TRHDE: variants seen among roughly 807,000 people sequenced by gnomAD.
The protein encoded by TRHDE is thyrotropin-releasing hormone-degrading ectoenzyme.
In TRHDE, 72 loss-of-function variants were observed where a neutral mutation model predicts 125.7. That is an observed-to-expected ratio of 0.57 (90% CI 0.47 to 0.70). The LOEUF (loss-of-function observed/expected upper bound fraction) is 0.70, where lower values mean the gene tolerates loss of function less well. TRHDE is among the 30% of genes least tolerant of loss of function. The pLI is 0.00. For missense variants in TRHDE, 1,110 were observed against 1,327.1 expected (o/e 0.84, Z 2.54); for synonymous variants, 509 against 509.1 (o/e 1.00, Z 0.00).
rs752918086 is a variant in TRHDE at position 72,473,158 on chromosome 12, A to G, written c.1562A>G (p.Tyr521Cys). 9 of 1,613,706 alleles carry G rather than the reference A, an allele frequency of 5.6e-6. No homozygotes were observed. The highest frequency in any genetic ancestry group is 7.6e-6 in the Non-Finnish European group (9 of 1,179,722). The change falls in exon 5 of 19, where the codon TAC (tyrosine) becomes TGC (cysteine). Residue 521 changes from tyrosine to cysteine, a missense_variant. Physicochemically the swap from Tyr to Cys is radical, Grantham distance 194. Around this residue, in one of 5 missense-constraint regions of TRHDE, gnomAD observed 527 missense variants for 651.8 expected, o/e 0.81. Transcript: ENST00000261180. ...TACTTTGAATTTGTTGGTACAGACTACCTCTATCCTGGCTGGAACATGGTA... is the reference window on the plus strand; with the variant it reads ...TACTTTGAATTTGTTGGTACAGACTGCCTCTATCCTGGCTGGAACATGGTA... ...AHYFEFVGTD[Y>C]LYPGWNMEKQ...
At chr12:72,337,416 C>T (rs1281675594) in intron 2 of TRHDE, among the ~76,000 whole-genome samples, 1 of 152,178 alleles carries the variant, frequency 6.6e-6, no homozygotes, top group African/African-American at 2.4e-5. Flanking sequence ...TACACACGTG[C>T]TGTGATGCCA....
chr12:72,293,579 A>G (rs1001107808), intron 2 of TRHDE, among the ~76,000 whole-genome samples: 14 of 152,182 alleles, frequency 9.2e-5, no homozygotes, highest in African/African-American at 3.1e-4. Flanking sequence ...AGTTTTGCAT[A>G]CTAATGTGAA....
At chr12:72,164,657 C>T (rs532187136) in intron 2 of TRHDE, among the ~76,000 whole-genome samples, 8 of 152,306 alleles carry the variant, frequency 5.3e-5, no homozygotes, top group South Asian at 4.1e-4. Context: ...GATAACCACA[C>T]GACCCAGTGA....
At position 72,363,184 on chromosome 12, in the gene TRHDE, A is replaced by G. The variant is rs1215459678; in HGVS notation, c.1189-14811A>G. Among the ~76,000 whole-genome samples the G allele has an allele frequency of 3.3e-5, 5 of 151,710 alleles. No individual in the cohort carries two copies. In the East Asian group the frequency reaches 9.7e-4, roughly 29 times the overall value. ...ATGGATGGATTCACAGCCGAATTCT[A>G]CCAGAGGTACGAGGAGGAACTGGTA... On this transcript the variant is annotated intron_variant, in intron 2 of 18. Coordinates refer to ENST00000261180, the MANE Select transcript of TRHDE (RefSeq NM_013381.3).
At chr12:72,152,588 TGA>T (rs1157687365) in intron 2 of TRHDE, among the ~76,000 whole-genome samples, 2 of 152,234 alleles carry the variant, frequency 1.3e-5, no homozygotes, top group African/African-American at 4.8e-5. Context: ...CCTAATTTAT[TGA>T]GAGTTTTTAG....
chr12:72,621,553 A>AT (rs1873051683), intron 14 of TRHDE, 91 bp from the exon 15 acceptor site: 2 of 992,140 alleles, frequency 2.0e-6, no homozygotes, highest in Admixed American at 5.4e-5. Flanking sequence ...TCTAAAAACC[A>AT]TTTTTATGTT....
chr12:72,639,802 T>G (rs7977107), intron 15 of TRHDE, among the ~76,000 whole-genome samples: 148,801 of 152,220 alleles, frequency 0.98, 72,769 homozygotes, highest in East Asian at 1. Flanking sequence ...GTGCCTCCCA[T>G]TTAGGCTGCT....
upstream of TRHDE, among the ~76,000 whole-genome samples, chr12:72,267,494 A>G (rs1418606932): frequency 6.6e-6 from 1 of 152,048 alleles, no homozygotes; most frequent in African/African-American, 2.4e-5. Context: ...TATAAACATA[A>G]TCATGAGACT....
chr12:72,541,528 G>A (rs1172919782), intron 6 of TRHDE, among the ~76,000 whole-genome samples: 3 of 151,374 alleles, frequency 2.0e-5, no homozygotes, highest in Non-Finnish European at 4.4e-5. Context: ...ATGGATGTAT[G>A]CAGCTAAATA....
intron 2 of TRHDE, among the ~76,000 whole-genome samples, chr12:72,208,265 T>C (rs17110927): frequency 0.12 from 18,490 of 152,012 alleles, 1,984 homozygotes; most frequent in African/African-American, 0.29. Flanking sequence ...AAGAGTCAAA[T>C]CTCCCCTTGA....
intron 12 of TRHDE, among the ~76,000 whole-genome samples, chr12:72,602,318 A>G (rs1374801881): frequency 6.6e-6 from 1 of 152,206 alleles, no homozygotes; most frequent in Non-Finnish European, 1.5e-5. Flanking sequence ...GTAAAGAACT[A>G]CTGAAAAATA....
intron 3 of TRHDE, among the ~76,000 whole-genome samples, chr12:72,404,156 G>A (rs773215451): frequency 2.5e-4 from 38 of 152,176 alleles, no homozygotes; most frequent in African/African-American, 9.2e-4. Flanking sequence ...GCTCATGCCT[G>A]TAATCCTAGC....
intron 2 of TRHDE, among the ~76,000 whole-genome samples, chr12:72,292,576 C>G (rs935624899): frequency 6.6e-6 from 1 of 152,066 alleles, no homozygotes; most frequent in Non-Finnish European, 1.5e-5. Flanking sequence ...CATAGCATTA[C>G]AAGTAATGAG....
At chr12:72,609,340 T>C (rs1212769424) in intron 12 of TRHDE, among the ~76,000 whole-genome samples, 2 of 152,230 alleles carry the variant, frequency 1.3e-5, no homozygotes, top group Admixed American at 6.5e-5. Context: ...TGAACTACAC[T>C]TATCTTCTCA....
chr12:72,648,640 C>T (rs1385119653), intron 15 of TRHDE, among the ~76,000 whole-genome samples: 2 of 151,838 alleles, frequency 1.3e-5, no homozygotes, highest in African/African-American at 4.8e-5. Context: ...AGCAATCTCA[C>T]AACAGCACCA....
At chr12:72,372,248 T>C (rs1211953033) in intron 2 of TRHDE, among the ~76,000 whole-genome samples, 1 of 152,218 alleles carries the variant, frequency 6.6e-6, no homozygotes, top group Admixed American at 6.5e-5. Flanking sequence ...TGTTTTTTTT[T>C]CTTGTAAATT....
intron 10 of TRHDE, among the ~76,000 whole-genome samples, chr12:72,573,770 C>T (rs1014146236): frequency 3.9e-5 from 6 of 151,982 alleles, no homozygotes; most frequent in East Asian, 1.9e-4. Context: ...AAGTGTTATA[C>T]CATCTTGTAT....
intron 3 of TRHDE, among the ~76,000 whole-genome samples, chr12:72,435,638 G>A (rs7313644): frequency 0.61 from 86,455 of 142,200 alleles, 28,225 homozygotes; most frequent in South Asian, 0.75. Context: ...TCCCAGGCTG[G>A]GATTTTTTTT....
At chr12:72,369,225 G>T (rs1871466400) in intron 2 of TRHDE, among the ~76,000 whole-genome samples, 1 of 152,110 alleles carries the variant, frequency 6.6e-6, no homozygotes, top group Non-Finnish European at 1.5e-5. Flanking sequence ...TATCCTAAGG[G>T]ATCAAAAATT....
Sources: allele counts gnomAD v4.1 joint callset (sites outside exome capture counted in the v4.1 genomes callset), GRCh38; gene constraint gnomAD v4.1.1; regional missense constraint gnomAD v4.1.1; transcripts MANE v1.5; gene names NCBI Gene and HGNC (gene_info 2026-07-23, HGNC 2026-07-21).